VDAC1: variants seen among roughly 807,000 people sequenced by gnomAD.
VDAC1 encodes non-selective voltage-gated ion channel VDAC1.
A neutral mutation model predicts 34.7 loss-of-function variants in VDAC1; 10 were observed. That is an observed-to-expected ratio of 0.29 (90% CI 0.18 to 0.49). The LOEUF is 0.49. VDAC1 is among the 20% of genes least tolerant of loss of function. The pLI is 0.99. For synonymous variants in VDAC1, 130 were observed against 136.0 expected (o/e 0.96, Z 0.30); for missense variants, 230 against 347.9 (o/e 0.66, Z 2.69).
At chr5:133,982,570 G>C (rs945779790) in intron 5 of VDAC1, among the ~76,000 whole-genome samples, 1 of 150,922 alleles carries the variant, frequency 6.6e-6, no homozygotes, top group Non-Finnish European at 1.5e-5. Flanking sequence ...CATCTTTAAA[G>C]ACTAAAGAAC....
At chr5:134,014,209 A>C in the VDAC1 span, among the ~76,000 whole-genome samples, 1 of 149,664 alleles carries the variant, frequency 6.7e-6, no homozygotes, top group African/African-American at 2.5e-5. Flanking sequence ...GAATCACTTG[A>C]ATCCGGGGCG....
At chr5:134,058,561 T>C in the VDAC1 span, among the ~76,000 whole-genome samples, 1 of 152,108 alleles carries the variant, frequency 6.6e-6, no homozygotes, top group Non-Finnish European at 1.5e-5. Context: ...ATGATCCACC[T>C]GCCTTGGCCT....
At chr5:134,089,147 C>A in the VDAC1 span, among the ~76,000 whole-genome samples, 1 of 152,340 alleles carries the variant, frequency 6.6e-6, no homozygotes, top group East Asian at 1.9e-4. Context: ...CTCCAGATGG[C>A]CACCTGCAGG....
the VDAC1 span, among the ~76,000 whole-genome samples, chr5:134,018,124 A>G: frequency 6.6e-6 from 1 of 152,226 alleles, no homozygotes; most frequent in African/African-American, 2.4e-5. Flanking sequence ...AGGCTGCACA[A>G]AAAAGCATGG....
the VDAC1 span, among the ~76,000 whole-genome samples, chr5:134,095,840 A>G: frequency 2.0e-5 from 3 of 152,246 alleles, no homozygotes; most frequent in Non-Finnish European, 2.9e-5. Flanking sequence ...CAATGGCCAC[A>G]TGTGGCTAGT....
chr5:134,033,347 G>A, the VDAC1 span, among the ~76,000 whole-genome samples: 1 of 151,376 alleles, frequency 6.6e-6, no homozygotes, highest in African/African-American at 2.4e-5. Context: ...TAATAGAGAC[G>A]GGGTTTCACC....
the VDAC1 span, among the ~76,000 whole-genome samples, chr5:134,074,351 AAT>A: frequency 2.8e-5 from 4 of 144,848 alleles, no homozygotes; most frequent in Admixed American, 1.4e-4. Flanking sequence ...TAAATAAATA[AAT>A]AAAAGCTTTG....
chr5:133,972,025 G>A lies in VDAC1; in HGVS notation c.*746C>T, dbSNP rs1346218144. The A allele has an allele frequency of 6.6e-6, 1 of 152,588 alleles. No homozygotes were observed. The highest frequency in any genetic ancestry group is 1.5e-5 in the Non-Finnish European group (1 of 68,044). The allele number at this position is 152,588 out of a possible 1,614,324, so 9.5% of individuals were successfully genotyped here. ...GACTCTAAAATGTACCCATTAAACTGCTAAAAAACAAATTGAGTGGTGAGA... is the reference window on the plus strand; with the variant it reads ...GACTCTAAAATGTACCCATTAAACTACTAAAAAACAAATTGAGTGGTGAGA... On this transcript the variant is annotated 3_prime_UTR_variant, in exon 9 of 9. Transcript: ENST00000265333.
At chr5:134,104,956 C>T in the VDAC1 span, among the ~76,000 whole-genome samples, 2 of 152,182 alleles carry the variant, frequency 1.3e-5, no homozygotes, top group Non-Finnish European at 2.9e-5. Flanking sequence ...ATACTGTCTC[C>T]CGTAAACAGC....
chr5:134,109,801 A>G, the VDAC1 span, among the ~76,000 whole-genome samples: 1 of 150,616 alleles, frequency 6.6e-6, no homozygotes, highest in Non-Finnish European at 1.5e-5. Flanking sequence ...AAGAACTTAG[A>G]GGCATCTGCA....
intron 2 of VDAC1, 113 bp from the exon 3 acceptor site, chr5:133,992,468 C>T: frequency 1.4e-6 from 1 of 739,206 alleles, no homozygotes; most frequent in South Asian, 3.8e-5. Flanking sequence ...ACTCCTGCCA[C>T]AGGGGCTGAG....
At chr5:134,105,520 C>CG in the VDAC1 span, among the ~76,000 whole-genome samples, 1 of 152,244 alleles carries the variant, frequency 6.6e-6, no homozygotes, top group African/African-American at 2.4e-5. Context: ...GTTCTCGCTA[C>CG]ATGAGTGTTC....
chr5:133,983,249 T>TA lies in VDAC1; in HGVS notation c.324-2294dup, dbSNP rs80036951. 4.4e-3 allele frequency among the ~76,000 whole-genome samples: 577 copies of TA among 132,378 alleles called. 8 individuals are homozygous for TA. The highest frequency in any genetic ancestry group is 0.026 in the Middle Eastern group (7 of 270). The allele number at this position is 132,378 out of a possible 152,430, so 86.8% of individuals were successfully genotyped here. A position where few individuals can be genotyped will look rare whatever the true frequency, so the allele number is the denominator to read the frequency against. Reference sequence around the variant, plus strand: ...GGCAACAAGAGTGAAACTCCATCTTTAAAAAAAAAAAAAAAGAAAAAGAAA... The same window carrying TA: ...GGCAACAAGAGTGAAACTCCATCTTTAAAAAAAAAAAAAAAAGAAAAAGAAA... On this transcript the variant is annotated intron_variant, in intron 5 of 8. Coordinates refer to ENST00000265333, the MANE Select transcript of VDAC1 (RefSeq NM_003374.3).
At chr5:133,974,159 T>G (rs1326692087) in intron 7 of VDAC1, among the ~76,000 whole-genome samples, 2 of 152,196 alleles carry the variant, frequency 1.3e-5, no homozygotes, top group Non-Finnish European at 2.9e-5. Context: ...TGTTTTTAAG[T>G]GCTTGCTGTT....
the VDAC1 span, among the ~76,000 whole-genome samples, chr5:134,050,349 A>C: frequency 1.3e-5 from 2 of 152,214 alleles, no homozygotes; most frequent in Non-Finnish European, 2.9e-5. Flanking sequence ...ACAGAAGTTA[A>C]TAATTCTATT....
At chr5:133,996,912 C>T (rs964679956) in intron 1 of VDAC1, among the ~76,000 whole-genome samples, 4 of 152,130 alleles carry the variant, frequency 2.6e-5, no homozygotes, top group African/African-American at 9.7e-5. Context: ...CACTCCCTGC[C>T]TGCTCCCACC....
intron 1 of VDAC1, among the ~76,000 whole-genome samples, chr5:134,004,264 G>A (rs1285006159): frequency 1.3e-5 from 2 of 151,992 alleles, no homozygotes; most frequent in Admixed American, 6.6e-5. Context: ...GGTCCCCGCC[G>A]GATGCACGCT....
At chr5:134,006,966 C>T (rs1753766296), upstream of VDAC1, among the ~76,000 whole-genome samples, 2 of 151,100 alleles carry the variant, frequency 1.3e-5, no homozygotes, top group Non-Finnish European at 3.0e-5. Context: ...GCACTCGGCC[C>T]CGTGCAGTGG....
chr5:133,974,669 T>C (rs905686976), intron 7 of VDAC1, among the ~76,000 whole-genome samples: 3 of 152,332 alleles, frequency 2.0e-5, no homozygotes, highest in South Asian at 2.1e-4. Context: ...ACAGAGATGA[T>C]TGGCCAGGGG....
Sources: allele counts gnomAD v4.1 joint callset (sites outside exome capture counted in the v4.1 genomes callset), GRCh38; gene constraint gnomAD v4.1.1; transcripts MANE v1.5; gene names NCBI Gene and HGNC (gene_info 2026-07-23, HGNC 2026-07-21).